EPB41L4A: variants seen among roughly 807,000 people sequenced by gnomAD.
The protein encoded by EPB41L4A is band 4.1-like protein 4A.
A neutral mutation model predicts 108.6 loss-of-function variants in EPB41L4A; 100 were observed. The ratio of observed to expected loss-of-function variants is 0.92; its 90% CI spans 0.78 to 1.09. EPB41L4A has a LOEUF of 1.09. Ranked by LOEUF, EPB41L4A falls within the 50% of genes least tolerant of loss-of-function variation. The pLI is 0.00. For synonymous variants in EPB41L4A, 319 were observed against 289.0 expected (o/e 1.10, Z -1.05); for missense variants, 1,030 against 842.7 (o/e 1.22, Z -2.75).
intron 1 of EPB41L4A, among the ~76,000 whole-genome samples, chr5:112,325,435 C>T (rs1428350812): frequency 4.9e-5 from 7 of 143,786 alleles, no homozygotes; most frequent in South Asian, 4.3e-4. Context: ...TGCGAGACTC[C>T]GTCTCATAAA....
chr5:112,164,873 C>G lies in EPB41L4A; in HGVS notation c.*117G>C. 1.0e-6 allele frequency: 1 copy of G among 985,966 alleles called. No individual in the cohort carries two copies. The highest frequency in any genetic ancestry group is 1.4e-6 in the Non-Finnish European group (1 of 701,706). The allele number at this position is 985,966 out of a possible 1,614,324, so 61.1% of individuals were successfully genotyped here. A position where few individuals can be genotyped will look rare whatever the true frequency, so the allele number is the denominator to read the frequency against. On this transcript the variant is annotated 3_prime_UTR_variant, in exon 23 of 23. Coordinates refer to ENST00000261486, the MANE Select transcript of EPB41L4A (RefSeq NM_022140.5). ...AGAAGCAAAAGATAATGTATTTTCT[C>G]ATGCTGAAGAAATACTTGCAGGTCT...
At chr5:112,207,149 C>G (rs959771205) in intron 13 of EPB41L4A, 4 of 152,220 alleles carry the variant, frequency 2.6e-5, no homozygotes, top group Admixed American at 1.3e-4. Context: ...CTACAACCAT[C>G]TGATCTTCAA....
intron 8 of EPB41L4A, 34 bp downstream of exon 8, chr5:112,259,857 T>C (rs375593907): frequency 3.0e-5 from 46 of 1,543,984 alleles, no homozygotes; most frequent in Middle Eastern, 1.7e-4. Context: ...GCCCAAAACA[T>C]AGAATGCCAA....
chr5:112,262,532 A>G lies in EPB41L4A; in HGVS notation c.604T>C (p.Ser202Pro), dbSNP rs1371719224. Residue 202 changes from serine to proline, a missense_variant, in exon 7 of 23, where the codon TCC (serine) becomes CCC (proline). Ser to Pro is a moderately conservative substitution (Grantham distance 74). Transcript: ENST00000261486. ...AELNYLRTAKSLEMYGVDLHP... is the reference protein window; with the variant it reads ...AELNYLRTAKPLEMYGVDLHP... ...AGGTCAACGCCATACATCTCCAGGG[A>G]TTTGGCAGTCCTCAAGTAATTCAGC... 1.2e-6 allele frequency: 2 copies of G among 1,614,014 alleles called. No individual in the cohort carries two copies. The highest frequency in any genetic ancestry group is 3.3e-5 in the Admixed American group (2 of 60,004).
At chr5:112,271,734 C>T (rs1468390033) in intron 4 of EPB41L4A, among the ~76,000 whole-genome samples, 2 of 152,230 alleles carry the variant, frequency 1.3e-5, no homozygotes, top group Non-Finnish European at 2.9e-5. Flanking sequence ...GAATTATCTA[C>T]AGTACTAATA....
intron 7 of EPB41L4A, 99 bp from the exon 8 acceptor site, chr5:112,260,078 G>T: frequency 1.1e-6 from 1 of 877,416 alleles, no homozygotes; most frequent in Non-Finnish European, 1.8e-6. Context: ...CATTAATATT[G>T]GATTTAATTT....
At chr5:112,292,452 G>A (rs912097679) in intron 2 of EPB41L4A, among the ~76,000 whole-genome samples, 2 of 152,054 alleles carry the variant, frequency 1.3e-5, no homozygotes, top group Non-Finnish European at 2.9e-5. Context: ...TCATAAAGCA[G>A]CTCTCAAAAC....
chr5:112,282,622 A>AG (rs1753039982), intron 2 of EPB41L4A, among the ~76,000 whole-genome samples: 1 of 152,142 alleles, frequency 6.6e-6, no homozygotes, highest in Non-Finnish European at 1.5e-5. Flanking sequence ...AGTAAGGGAG[A>AG]GGGCTTATGG....
At chr5:112,339,511 G>GT (rs1561585383) in intron 1 of EPB41L4A, among the ~76,000 whole-genome samples, 6 of 55,194 alleles carry the variant, frequency 1.1e-4, no homozygotes, top group African/African-American at 3.3e-4. Flanking sequence ...TATATATATA[G>GT]ATATATAGAT....
intron 1 of EPB41L4A, among the ~76,000 whole-genome samples, chr5:112,348,468 G>A (rs558299511): frequency 6.6e-6 from 1 of 152,114 alleles, no homozygotes; most frequent in African/African-American, 2.4e-5. Context: ...TAGAAAGTTC[G>A]ATTTTAAAAC....
intron 13 of EPB41L4A, among the ~76,000 whole-genome samples, chr5:112,208,817 G>C (rs1295696696): frequency 6.6e-6 from 1 of 152,188 alleles, no homozygotes; most frequent in Non-Finnish European, 1.5e-5. Context: ...GAAGATTCCT[G>C]TTCTTATGCT....
At chr5:112,402,725 C>G (rs993747822) in intron 1 of EPB41L4A, among the ~76,000 whole-genome samples, 6 of 152,120 alleles carry the variant, frequency 3.9e-5, no homozygotes, top group African/African-American at 1.4e-4. Context: ...CATTTCAAAA[C>G]ATGAATCAGT....
At chr5:112,418,572 G>A (rs1475565931) in intron 1 of EPB41L4A, among the ~76,000 whole-genome samples, 1 of 152,126 alleles carries the variant, frequency 6.6e-6, no homozygotes, top group Non-Finnish European at 1.5e-5. Context: ...AAAGTCGAGG[G>A]AAACCATGCC....
At chr5:112,245,356 A>T (rs933911669) in intron 9 of EPB41L4A, among the ~76,000 whole-genome samples, 2 of 152,132 alleles carry the variant, frequency 1.3e-5, no homozygotes, top group African/African-American at 4.8e-5. Flanking sequence ...AATGCAAAAG[A>T]ATAATTGAAA....
At chr5:112,249,493 C>T (rs144226372) in intron 9 of EPB41L4A, 61 of 152,214 alleles carry the variant, frequency 4.0e-4, no homozygotes, top group African/African-American at 1.3e-3. Flanking sequence ...AATGGTGAAA[C>T]TGACTATAGT....
chr5:112,291,807 C>A (rs1161798252), intron 2 of EPB41L4A, among the ~76,000 whole-genome samples: 1 of 152,194 alleles, frequency 6.6e-6, no homozygotes, highest in Non-Finnish European at 1.5e-5. Flanking sequence ...AAGTTCCATG[C>A]CCCGTTCCCC....
intron 1 of EPB41L4A, among the ~76,000 whole-genome samples, chr5:112,409,223 C>T (rs1263152012): frequency 6.6e-6 from 1 of 152,074 alleles, no homozygotes; most frequent in African/African-American, 2.4e-5. Flanking sequence ...TGAAGGAAAA[C>T]AGTCACAAAA....
intron 12 of EPB41L4A, chr5:112,228,792 A>G (rs1748658059): frequency 1.0e-6 from 1 of 964,690 alleles, no homozygotes; most frequent in Non-Finnish European, 1.2e-6. Context: ...GCTTTACCCA[A>G]GCTCCTCTGA....
intron 2 of EPB41L4A, among the ~76,000 whole-genome samples, chr5:112,283,723 T>C (rs1211003630): frequency 2.0e-5 from 3 of 152,136 alleles, no homozygotes; most frequent in Non-Finnish European, 4.4e-5. Context: ...GTCCTTAGTA[T>C]GGGAACACAA....
Sources: allele counts gnomAD v4.1 joint callset (sites outside exome capture counted in the v4.1 genomes callset), GRCh38; gene constraint gnomAD v4.1.1; transcripts MANE v1.5; gene names NCBI Gene and HGNC (gene_info 2026-07-23, HGNC 2026-07-21).